Variants in CATSPERD observed in about 807,000 individuals in gnomAD.
The protein encoded by CATSPERD is cation channel sperm-associated auxiliary subunit delta.
A neutral mutation model predicts 98.1 loss-of-function variants in CATSPERD; 86 were observed. The ratio of observed to expected loss-of-function variants is 0.88; its 90% CI spans 0.74 to 1.05. The LOEUF is 1.05. CATSPERD is among the 50% of genes least tolerant of loss of function. The pLI is 0.00. For synonymous variants in CATSPERD, 394 were observed against 390.2 expected, an observed-to-expected ratio of 1.01 and a Z score of -0.12; for missense variants, 995 against 1,005.7, an observed-to-expected ratio of 0.99 and a Z score of 0.14.
chr19:5,763,631 G>A (rs1272843313), intron 16 of CATSPERD, among the ~76,000 whole-genome samples: 2 of 151,950 alleles, frequency 1.3e-5, no homozygotes, highest in Admixed American at 6.6e-5. Context: ...AGGATGGGGG[G>A]TGTCAGGAGC....
intron 16 of CATSPERD, 94 bp downstream of exon 16, chr19:5,763,387 C>A: frequency 1.1e-6 from 1 of 893,826 alleles, no homozygotes; most frequent in Non-Finnish European, 1.8e-6. Context: ...TGAGATAGTG[C>A]CACTGCACTC....
chr19:5,768,344 A>ATTTAT lies in CATSPERD; in HGVS notation c.1634+104_1634+105insTATTT, dbSNP rs372798666. The ATTTAT allele has an allele frequency of 5.8e-5, 40 of 686,824 alleles. No homozygotes were observed. In the Middle Eastern group the frequency reaches 3.9e-3, roughly 66 times the overall value. 42.5% of individuals were successfully genotyped at this position (686,824 alleles called of 1,614,324 possible). A position where few individuals can be genotyped will look rare whatever the true frequency, so the allele number is the denominator to read the frequency against. ...ATTTTATTTATTTATTTATTTATTT[A>ATTTAT]TTATTATTATTGAGATGGAGTCTCG... On this transcript the variant is annotated intron_variant, in intron 18 of 21. Transcript: ENST00000381624.
At chr19:5,751,242 A>G (rs1430082474) in intron 11 of CATSPERD, among the ~76,000 whole-genome samples, 22 of 96,726 alleles carry the variant, frequency 2.3e-4, no homozygotes, top group African/African-American at 9.4e-4. Flanking sequence ...AAAAAAAAAA[A>G]GGCCTGGCGC....
intron 15 of CATSPERD, among the ~76,000 whole-genome samples, chr19:5,762,617 GTGGATGGATGGA>G (rs543017321): frequency 1.3e-5 from 2 of 151,552 alleles, no homozygotes; most frequent in East Asian, 1.9e-4. Flanking sequence ...GGATGGGTGG[GTGGATGGATGGA>G]TGGATGGATG....
At position 5,735,874 on chromosome 19, in the gene CATSPERD, G is replaced by A. The variant is rs192277714; in HGVS notation, c.392-1264G>A. Reference sequence around the variant, plus strand: ...CGGCTCACTGCAAGCTCCGCCTCCTGGGTTCATGCCATTCTTCTGCCTCAG... The same window carrying A: ...CGGCTCACTGCAAGCTCCGCCTCCTAGGTTCATGCCATTCTTCTGCCTCAG... On this transcript the variant is annotated intron_variant, in intron 5 of 21. Coordinates refer to ENST00000381624, the MANE Select transcript of CATSPERD (RefSeq NM_152784.4). Among the ~76,000 whole-genome samples the A allele has an allele frequency of 8.7e-3, 1,304 of 149,936 alleles. 15 individuals are homozygous for A. Among genetic ancestry groups the A allele is most frequent in the African/African-American group, 0.03 (1,221 of 40,590 alleles).
chr19:5,730,814 C>T (rs1234448850), intron 4 of CATSPERD, among the ~76,000 whole-genome samples: 1 of 151,608 alleles, frequency 6.6e-6, no homozygotes, highest in Admixed American at 6.6e-5. Context: ...AGATTAAGAC[C>T]ACGGTGAAAC....
intron 6 of CATSPERD, among the ~76,000 whole-genome samples, chr19:5,739,117 G>C (rs1054675737): frequency 6.7e-6 from 1 of 149,218 alleles, no homozygotes; most frequent in African/African-American, 2.5e-5. Flanking sequence ...TGCCTGCCTC[G>C]GCCTCCCAGA....
At chr19:5,751,903 C>T (rs983234484) in intron 12 of CATSPERD, 80 bp downstream of exon 12, 14 of 1,333,590 alleles carry the variant, frequency 1.0e-5, no homozygotes, top group Non-Finnish European at 1.4e-5. Flanking sequence ...TGGTGCACGC[C>T]TGTAGCCCCA....
At chr19:5,774,862 C>T (rs2056712460) in intron 20 of CATSPERD, among the ~76,000 whole-genome samples, 1 of 152,010 alleles carries the variant, frequency 6.6e-6, no homozygotes, top group African/African-American at 2.4e-5. Context: ...ACTAAAAGTA[C>T]AAAAATTAGC....
In CATSPERD at chr19:5,742,290, G is replaced by A. The variant is rs1337785934; in HGVS notation, c.574-2137G>A. Among the ~76,000 whole-genome samples, 12 of 46,084 alleles carry A rather than the reference G, an allele frequency of 2.6e-4. 1 individual carries two copies. The highest frequency in any genetic ancestry group is 6.7e-4 in the Non-Finnish European group (12 of 17,794). 30.2% of individuals were successfully genotyped at this position (46,084 alleles called of 152,430 possible). On this transcript the variant is annotated intron_variant, in intron 7 of 21. Transcript: ENST00000381624. ...TGTGCATGTGTGTACGTGTGTGTGC[G>A]TGTGTACGTATGTGAATGTGTGTGT... is the stretch of plus-strand genomic sequence containing the variant.
chr19:5,727,028 C>CA (rs935645183), intron 2 of CATSPERD, among the ~76,000 whole-genome samples: 5 of 151,760 alleles, frequency 3.3e-5, no homozygotes, highest in Admixed American at 1.3e-4. Flanking sequence ...CCTGTCTCTA[C>CA]AAAAAAAATA....
At chr19:5,735,774 A>ATT (rs34107835) in intron 5 of CATSPERD, among the ~76,000 whole-genome samples, 5 of 102,052 alleles carry the variant, frequency 4.9e-5, no homozygotes, top group African/African-American at 1.1e-4. Context: ...TGCCCGGCTA[A>ATT]TTTTTTTTTT....
chr19:5,734,448 G>C (rs1439657290), intron 5 of CATSPERD, among the ~76,000 whole-genome samples: 1 of 152,178 alleles, frequency 6.6e-6, no homozygotes, highest in Non-Finnish European at 1.5e-5. Flanking sequence ...AGACCAGCCT[G>C]ACCAACATGG....
At chr19:5,727,440 C>A in intron 3 of CATSPERD, 96 bp downstream of exon 3, 1 of 940,378 alleles carries the variant, frequency 1.1e-6, no homozygotes, top group South Asian at 1.4e-5. Flanking sequence ...GAAGATGGCT[C>A]TGCCGTGTGT....
At chr19:5,766,627 T>C (rs1329554431) in intron 17 of CATSPERD, among the ~76,000 whole-genome samples, 1 of 152,118 alleles carries the variant, frequency 6.6e-6, no homozygotes, top group African/African-American at 2.4e-5. Context: ...AGTTAAATGA[T>C]TCACCCTAAT....
At position 5,754,380 on chromosome 19, in the gene CATSPERD, A is replaced by T. The variant is rs1599560914; in HGVS notation, c.1278+135A>T. On this transcript the variant is annotated intron_variant, in intron 13 of 21. Transcript: ENST00000381624. Reference sequence around the variant, plus strand: ...CGCACACTCACAATTCTGCATAGAAATTGTCTCTGTGTCTTTTTTTTTTTT... The same window carrying T: ...CGCACACTCACAATTCTGCATAGAATTTGTCTCTGTGTCTTTTTTTTTTTT... 6.4e-6 allele frequency: 3 copies of T among 467,994 alleles called. No homozygotes were observed. The East Asian group carries it at 1.1e-4, about 18-fold the overall frequency. The allele number at this position is 467,994 out of a possible 1,614,324, so 29.0% of individuals were successfully genotyped here.
chr19:5,762,058 A>ATATATTTTTTTT, intron 15 of CATSPERD, among the ~76,000 whole-genome samples: 2 of 10,438 alleles, frequency 1.9e-4, no homozygotes, highest in African/African-American at 3.3e-4. Flanking sequence ...ATATATATAT[A>ATATATTTTTTTT]TTTTTTTTTT....
intron 11 of CATSPERD, among the ~76,000 whole-genome samples, chr19:5,750,486 G>A: frequency 7.2e-6 from 1 of 139,676 alleles, no homozygotes; most frequent in Admixed American, 7.6e-5. Flanking sequence ...AATTATTTTG[G>A]CCAGGCACAG....
intron 8 of CATSPERD, 47 bp downstream of exon 8, chr19:5,744,557 G>A (rs1223814381): frequency 7.2e-7 from 1 of 1,389,206 alleles, no homozygotes; most frequent in East Asian, 2.4e-5. Context: ...CTTTGCCCAA[G>A]CCCAGGTTTT....
Sources: allele counts gnomAD v4.1 joint callset (sites outside exome capture counted in the v4.1 genomes callset), GRCh38; gene constraint gnomAD v4.1.1; transcripts MANE v1.5; gene names NCBI Gene and HGNC (gene_info 2026-07-23, HGNC 2026-07-21).